CSNK1G1: variants seen among roughly 807,000 people sequenced by gnomAD.
The protein encoded by CSNK1G1 is casein kinase I isoform gamma-1.
In CSNK1G1, 22 loss-of-function variants were observed where a neutral mutation model predicts 59.6. That is an observed-to-expected ratio of 0.37 (90% CI 0.26 to 0.53). The LOEUF (loss-of-function observed/expected upper bound fraction) is 0.53, where lower values mean the gene tolerates loss of function less well. CSNK1G1 is among the 20% of genes least tolerant of loss of function. The probability of loss-of-function intolerance (pLI) is 0.89; values close to 1 mark genes in which losing one functional copy is unlikely to be tolerated. For synonymous variants in CSNK1G1, 179 were observed against 177.1 expected (o/e 1.01, Z -0.08); for missense variants, 384 against 519.5 (o/e 0.74, Z 2.54).
At chr15:64,301,822 G>C (rs377737168) in intron 1 of CSNK1G1, among the ~76,000 whole-genome samples, 1 of 152,146 alleles carries the variant, frequency 6.6e-6, no homozygotes, top group African/African-American at 2.4e-5. Context: ...AGGAGGTGGA[G>C]GTGGCAGTGA....
intron 6 of CSNK1G1, among the ~76,000 whole-genome samples, chr15:64,209,092 T>A (rs956984570): frequency 1.3e-5 from 2 of 152,072 alleles, no homozygotes; most frequent in African/African-American, 2.4e-5. Context: ...TTGCCATGTT[T>A]CCCAGGCTGG....
chr15:64,294,912 CA>C (rs937758323), intron 2 of CSNK1G1, among the ~76,000 whole-genome samples: 8,741 of 51,296 alleles, frequency 0.17, 340 homozygotes, highest in African/African-American at 0.3. Flanking sequence ...AACTTCGTCT[CA>C]AAAAAAAAAA....
intron 10 of CSNK1G1, among the ~76,000 whole-genome samples, chr15:64,192,515 C>T (rs2081985142): frequency 6.6e-6 from 1 of 152,094 alleles, no homozygotes; most frequent in African/African-American, 2.4e-5. Flanking sequence ...TGAAAACCCC[C>T]ACCTATGCCC....
At position 64,259,189 on chromosome 15, in the gene CSNK1G1, G is replaced by A; in HGVS notation, c.222+12C>T. 1 of 1,582,306 alleles carries A rather than the reference G, an allele frequency of 6.3e-7. No homozygotes were observed. The highest frequency in any genetic ancestry group is 8.6e-7 in the Non-Finnish European group (1 of 1,162,226). On this transcript the variant is annotated intron_variant, in intron 3 of 11. Coordinates refer to ENST00000303052, the MANE Select transcript of CSNK1G1 (RefSeq NM_022048.5). ...ACCAAAACATTAATTACCACAAACA[G>A]ATTCTACTCACCAGTTTGATTGCTA... is the stretch of plus-strand genomic sequence containing the variant.
chr15:64,309,272 G>T (rs905090789), intron 1 of CSNK1G1, among the ~76,000 whole-genome samples: 2 of 150,564 alleles, frequency 1.3e-5, no homozygotes, highest in Admixed American at 1.3e-4. Flanking sequence ...TATTTGCAGG[G>T]CCTAGCATGG....
chr15:64,247,225 C>G (rs74245427), intron 4 of CSNK1G1, among the ~76,000 whole-genome samples: 2 of 152,096 alleles, frequency 1.3e-5, no homozygotes, highest in East Asian at 3.8e-4. Context: ...TAAGGAAATA[C>G]TGAAACCTAA....
At chr15:64,290,943 A>G (rs1328344736) in intron 2 of CSNK1G1, among the ~76,000 whole-genome samples, 1 of 152,024 alleles carries the variant, frequency 6.6e-6, no homozygotes, top group Admixed American at 6.6e-5. Flanking sequence ...CCAACTCCTG[A>G]CCTCAGATGA....
chr15:64,213,847 G>C (rs759104005), intron 6 of CSNK1G1, 43 bp downstream of exon 6: 6 of 1,302,788 alleles, frequency 4.6e-6, no homozygotes, highest in Non-Finnish European at 6.7e-6. Context: ...ATAATAAACT[G>C]TTCTAATGAC....
intron 10 of CSNK1G1, among the ~76,000 whole-genome samples, chr15:64,193,667 G>A (rs1346211718): frequency 6.6e-6 from 1 of 152,026 alleles, no homozygotes; most frequent in Non-Finnish European, 1.5e-5. Context: ...AAAAATCACT[G>A]ACAACAACCT....
At chr15:64,298,353 T>A (rs1411220597) in intron 2 of CSNK1G1, among the ~76,000 whole-genome samples, 1 of 152,254 alleles carries the variant, frequency 6.6e-6, no homozygotes, top group Admixed American at 6.5e-5. Flanking sequence ...TTATGGATGT[T>A]TATGTCATAA....
chr15:64,305,784 A>AAC (rs1555402410), intron 1 of CSNK1G1, among the ~76,000 whole-genome samples: 409 of 151,624 alleles, frequency 2.7e-3, no homozygotes, highest in Non-Finnish European at 3.8e-3. Flanking sequence ...AAAAAAAAAA[A>AAC]ACACAAATAA....
chr15:64,185,091 C>A (rs1049016594), intron 10 of CSNK1G1, among the ~76,000 whole-genome samples: 2 of 152,186 alleles, frequency 1.3e-5, no homozygotes, highest in South Asian at 4.1e-4. Flanking sequence ...TGCATTTAGG[C>A]CTTCCACACA....
At chr15:64,267,498 A>G (rs115322981) in intron 2 of CSNK1G1, among the ~76,000 whole-genome samples, 1,884 of 152,270 alleles carry the variant, frequency 0.012, 30 homozygotes, top group African/African-American at 0.044. Flanking sequence ...AAAATGGGCA[A>G]AAAACCAAAA....
In CSNK1G1 at chr15:64,204,894, G is replaced by C; in HGVS notation, c.821C>G (p.Pro274Arg). The C allele has an allele frequency of 6.2e-7, 1 of 1,611,290 alleles. No individual in the cohort carries two copies. Among genetic ancestry groups the C allele is most frequent in the Non-Finnish European group, 8.5e-7 (1 of 1,177,596 alleles). ...AAAGTTCTCACAGAGAGCTTCAATG[G>C]GAGTATTCCTTTTGGTGTCACCAAT... Reference protein sequence around the residue: ...QKIGDTKRNTPIEALCENFPE... With the variant: ...QKIGDTKRNTRIEALCENFPE... Residue 274 changes from proline to arginine, a missense_variant, in exon 8 of 12, where the codon CCC (proline) becomes CGC (arginine). Around this residue, in one of 3 missense-constraint regions of CSNK1G1, gnomAD observed 325 missense variants for 440.9 expected, o/e 0.74. Transcript: ENST00000303052.
rs1392482709 is a variant in CSNK1G1, at chr15:64,168,030, G to A, written c.*3901C>T. The A allele has an allele frequency of 6.6e-6, 1 of 152,304 alleles. No individual in the cohort carries two copies. The highest frequency in any genetic ancestry group is 1.5e-5 in the Non-Finnish European group (1 of 68,044). The allele number at this position is 152,304 out of a possible 1,614,324, so 9.4% of individuals were successfully genotyped here. On this transcript the variant is annotated 3_prime_UTR_variant, in exon 12 of 12. Coordinates refer to ENST00000303052, the MANE Select transcript of CSNK1G1 (RefSeq NM_022048.5). ...TGCACTACCAGCATATCTTCCCACT[G>A]AACTAAGTTTGGAAATTACTTTAGG...
chr15:64,271,649 T>C (rs769301233), intron 2 of CSNK1G1, among the ~76,000 whole-genome samples: 1 of 152,206 alleles, frequency 6.6e-6, no homozygotes, highest in Non-Finnish European at 1.5e-5. Flanking sequence ...TTTGGTTCTT[T>C]TGAATTTGCT....
intron 4 of CSNK1G1, among the ~76,000 whole-genome samples, chr15:64,229,999 G>A (rs1596129334): frequency 7.9e-6 from 1 of 127,188 alleles, no homozygotes; most frequent in East Asian, 2.6e-4. Flanking sequence ...TCGGCTCACT[G>A]TAACTTCCAC....
chr15:64,259,221 C>A lies in CSNK1G1; in HGVS notation c.202G>T (p.Glu68Ter). 6.3e-7 allele frequency: 1 copy of A among 1,596,912 alleles called. No individual in the cohort carries two copies. The highest frequency in any genetic ancestry group is 1.1e-5 in the South Asian group (1 of 88,306). The change falls in exon 3 of 12, where the codon GAA (glutamate) becomes TAA (stop). Residue 68 changes from glutamate to a stop codon, truncating the protein, a stop_gained. Coordinates refer to ENST00000303052, the MANE Select transcript of CSNK1G1 (RefSeq NM_022048.5). LOFTEE classifies it high-confidence loss of function. ...LRLGKNLYTN[E>*]YVAIKLEPIK... Reference sequence around the variant, plus strand: ...CTCACCAGTTTGATTGCTACATATTCATTGGTGTAGAGATTTTTACCTAAG... The same window carrying A: ...CTCACCAGTTTGATTGCTACATATTAATTGGTGTAGAGATTTTTACCTAAG...
At chr15:64,292,857 G>A (rs911423830) in intron 2 of CSNK1G1, among the ~76,000 whole-genome samples, 25 of 152,132 alleles carry the variant, frequency 1.6e-4, no homozygotes, top group Admixed American at 8.5e-4. Context: ...GAACCTGGGA[G>A]GCAGAGGTTG....
Sources: gnomAD v4.1 joint callset for allele counts (sites outside exome capture counted in the v4.1 genomes callset) on GRCh38, gnomAD v4.1.1 for gene constraint, gnomAD v4.1.1 regional missense constraint, MANE v1.5 for transcripts, NCBI Gene and HGNC (gene_info 2026-07-23, HGNC 2026-07-21) for gene names.